The following COL23A1 variants were observed in gnomAD, a reference collection of about 807,000 sequenced individuals.
COL23A1 encodes the protein collagen alpha-1(XXIII) chain.
Under a neutral mutation model 99.3 loss-of-function variants are expected in COL23A1, and 97 were observed. That is an observed-to-expected ratio of 0.98 (90% CI 0.83 to 1.16). The LOEUF (loss-of-function observed/expected upper bound fraction) is 1.16, where lower values mean the gene tolerates loss of function less well. Ranked by LOEUF, COL23A1 falls within the 50% of genes most tolerant of loss-of-function variation. The pLI, the probability that COL23A1 is intolerant of heterozygous loss-of-function variation, is 0.00. For missense variants in COL23A1, 762 were observed against 757.4 expected, an observed-to-expected ratio of 1.01 and a Z score of -0.07; for synonymous variants, 320 against 308.2, an observed-to-expected ratio of 1.04 and a Z score of -0.40.
chr5:178,367,961 A>G (rs1169885911), intron 2 of COL23A1, among the ~76,000 whole-genome samples: 1 of 152,214 alleles, frequency 6.6e-6, no homozygotes, highest in Non-Finnish European at 1.5e-5. Context: ...GGAGGCACCC[A>G]GGAGAGCTGC....
At chr5:178,327,129 T>G (rs1759731382) in intron 2 of COL23A1, among the ~76,000 whole-genome samples, 1 of 152,246 alleles carries the variant, frequency 6.6e-6, no homozygotes, top group Non-Finnish European at 1.5e-5. Context: ...AAATTAGCAA[T>G]CTTTGTTCAT....
Position 178,280,632 on chromosome 5 carries a change from A to G in COL23A1, c.441+7692T>C, listed in dbSNP as rs754835732. Among the ~76,000 whole-genome samples, 2 of 152,034 alleles carry G rather than the reference A, an allele frequency of 1.3e-5. No homozygotes were observed. The highest frequency in any genetic ancestry group is 4.8e-5 in the African/African-American group (2 of 41,368). Reference sequence around the variant, plus strand: ...GTCTGTGAACATGTTCTTCCATGTGATGGGGCGAGGATGCTGTGGGGCTGG... The same window carrying G: ...GTCTGTGAACATGTTCTTCCATGTGGTGGGGCGAGGATGCTGTGGGGCTGG... On this transcript the variant is annotated intron_variant, in intron 5 of 28. Coordinates refer to ENST00000390654, the MANE Select transcript of COL23A1 (RefSeq NM_173465.4). This position sits in a 1 kb window ranked among gnomAD's most constrained non-coding sequence, Gnocchi z 4.9.
In COL23A1 at chr5:178,320,435, C is replaced by T. The variant is rs1044709387; in HGVS notation, c.362-13516G>A. 5.9e-5 allele frequency among the ~76,000 whole-genome samples: 9 copies of T among 152,234 alleles called. No homozygotes were observed. In the South Asian group the frequency reaches 8.3e-4, roughly 14 times the overall value. On this transcript the variant is annotated intron_variant, in intron 2 of 28. Coordinates refer to ENST00000390654, the MANE Select transcript of COL23A1 (RefSeq NM_173465.4). ...TTGTGCACAGGTAGACACAGCCCTGCGTCCCCTCACCTCATTCTCAGAGCA... is the reference window on the plus strand; with the variant it reads ...TTGTGCACAGGTAGACACAGCCCTGTGTCCCCTCACCTCATTCTCAGAGCA...
At chr5:178,470,673 A>G (rs1223865465) in intron 2 of COL23A1, among the ~76,000 whole-genome samples, 3 of 152,222 alleles carry the variant, frequency 2.0e-5, no homozygotes, top group Non-Finnish European at 4.4e-5. Flanking sequence ...ATACGACACA[A>G]GCATCCTGCC....
chr5:178,432,172 A>C (rs1383657635), intron 2 of COL23A1, among the ~76,000 whole-genome samples: 1 of 152,256 alleles, frequency 6.6e-6, no homozygotes, highest in Non-Finnish European at 1.5e-5. Context: ...GGTAACTTAT[A>C]GAACCCTTTC....
intron 2 of COL23A1, among the ~76,000 whole-genome samples, chr5:178,545,833 G>C (rs1381961445): frequency 6.6e-6 from 1 of 152,162 alleles, no homozygotes; most frequent in Non-Finnish European, 1.5e-5. Flanking sequence ...TACATGAACA[G>C]ACATATTTGA....
At chr5:178,253,920 T>C (rs985961653) in intron 16 of COL23A1, among the ~76,000 whole-genome samples, 1 of 151,680 alleles carries the variant, frequency 6.6e-6, no homozygotes, top group Non-Finnish European at 1.5e-5. Context: ...TCCCAGCACT[T>C]TGGGAGGCTG....
chr5:178,407,955 C>T (rs1419543561), intron 2 of COL23A1, among the ~76,000 whole-genome samples: 3 of 152,104 alleles, frequency 2.0e-5, no homozygotes, highest in Non-Finnish European at 4.4e-5. Flanking sequence ...TCCAGATGTG[C>T]CCAAAGACCT....
chr5:178,290,845 G>A (rs1757418654), intron 3 of COL23A1, among the ~76,000 whole-genome samples: 1 of 152,186 alleles, frequency 6.6e-6, no homozygotes, highest in Admixed American at 6.5e-5. Flanking sequence ...CCAGCTCCAG[G>A]GTTAGAAATG....
intron 2 of COL23A1, chr5:178,523,721 A>C (rs1422831453): frequency 6.6e-6 from 1 of 152,170 alleles, no homozygotes; most frequent in African/African-American, 2.4e-5. Context: ...ACTCTGAAAA[A>C]AATTCATTGA....
chr5:178,423,387 G>A (rs1765739118), intron 2 of COL23A1, among the ~76,000 whole-genome samples: 2 of 152,190 alleles, frequency 1.3e-5, no homozygotes, highest in African/African-American at 4.8e-5. Context: ...TCAGCCATGT[G>A]ATCATGAGAA....
intron 2 of COL23A1, among the ~76,000 whole-genome samples, chr5:178,336,515 T>C (rs1760327085): frequency 6.6e-6 from 1 of 152,210 alleles, no homozygotes; most frequent in Admixed American, 6.5e-5. Flanking sequence ...TGATTCCATT[T>C]ATATGAAAAG....
chr5:178,319,413 C>T (rs1759161771), intron 2 of COL23A1, among the ~76,000 whole-genome samples: 1 of 151,710 alleles, frequency 6.6e-6, no homozygotes, highest in Non-Finnish European at 1.5e-5. Flanking sequence ...TTTTTTTAAA[C>T]TTAAAAGGTC....
rs533399255 is a variant in COL23A1, at chr5:178,257,023, C to T, written c.775-95G>A. 2.6e-3 allele frequency: 2,736 copies of T among 1,069,152 alleles called. 11 individuals carry two copies. The highest frequency in any genetic ancestry group is 2.9e-3 in the Non-Finnish European group (2,060 of 722,472). The allele number at this position is 1,069,152 out of a possible 1,614,324, so 66.2% of individuals were successfully genotyped here. On this transcript the variant is annotated intron_variant, in intron 13 of 28. Transcript: ENST00000390654. The stretch of plus-strand genomic sequence containing the variant: ...TGCCTCGGGGTTGCCTGAAGCCTCG[C>T]GATTAGGCCTCCTGGCAAATTGTTA...
chr5:178,475,810 C>T (rs987442309), intron 2 of COL23A1, among the ~76,000 whole-genome samples: 1 of 152,166 alleles, frequency 6.6e-6, no homozygotes, highest in Non-Finnish European at 1.5e-5. Flanking sequence ...ACATATGCCC[C>T]CTTTTCTTGC....
intron 2 of COL23A1, among the ~76,000 whole-genome samples, chr5:178,440,180 A>G (rs921689780): frequency 1.2e-4 from 18 of 152,242 alleles, no homozygotes; most frequent in African/African-American, 4.1e-4. Context: ...AGCTGTTAAA[A>G]AAACAAACCA....
At chr5:178,588,645 TACCCAGA>T (rs1764118024) in intron 1 of COL23A1, among the ~76,000 whole-genome samples, 1 of 152,222 alleles carries the variant, frequency 6.6e-6, no homozygotes, top group Non-Finnish European at 1.5e-5. Flanking sequence ...GCAGCAATTT[TACCCAGA>T]ACCCAGCTAG....
intron 2 of COL23A1, among the ~76,000 whole-genome samples, chr5:178,408,593 T>C (rs1398314393): frequency 6.6e-6 from 1 of 152,104 alleles, no homozygotes; most frequent in Non-Finnish European, 1.5e-5. Flanking sequence ...TCAATTAAAC[T>C]GGTATAGTCA....
intron 5 of COL23A1, among the ~76,000 whole-genome samples, chr5:178,273,776 A>G (rs1756429084): frequency 1.3e-5 from 2 of 152,070 alleles, no homozygotes; most frequent in South Asian, 2.1e-4. Flanking sequence ...GACCTTGGAG[A>G]AGCTGCTGGG....
Sources: allele counts gnomAD v4.1 joint callset (sites outside exome capture counted in the v4.1 genomes callset), GRCh38; gene constraint gnomAD v4.1.1; non-coding constraint Gnocchi (gnomAD v3.1); transcripts MANE v1.5; gene names NCBI Gene and HGNC (gene_info 2026-07-23, HGNC 2026-07-21).